Variants in SLC35H1 observed in about 807,000 individuals in gnomAD.
The protein encoded by SLC35H1 is ovarian cancer-overexpressed gene 1 protein.
At chr20:46,354,969 C>T in the SLC35H1 span, 27 of 1,613,898 alleles carry the variant, frequency 1.7e-5, no homozygotes, top group South Asian at 4.4e-5. Flanking sequence ...TGGAGGCCTG[C>T]AGGGCGGGGG....
chr20:46,359,030 T>TA, the SLC35H1 span: 1 of 474,892 alleles, frequency 2.1e-6, no homozygotes, highest in Admixed American at 3.3e-5. Context: ...GCTTTTCTGA[T>TA]AAAGACCAGC....
chr20:46,358,186 C>T, the SLC35H1 span, among the ~76,000 whole-genome samples: 1 of 152,216 alleles, frequency 6.6e-6, no homozygotes, highest in Non-Finnish European at 1.5e-5. Context: ...ACCCCCCGCT[C>T]TCCTTGGTTT....
the SLC35H1 span, among the ~76,000 whole-genome samples, chr20:46,360,303 T>C: frequency 2.5e-3 from 382 of 152,192 alleles, 1 homozygote; most frequent in African/African-American, 8.7e-3. Context: ...GCACCAAAAG[T>C]GTCCATTCTG....
the SLC35H1 span, chr20:46,358,655 C>G: frequency 6.4e-7 from 1 of 1,553,286 alleles, no homozygotes; most frequent in Non-Finnish European, 8.7e-7. Flanking sequence ...CTCCATGATT[C>G]GGAACCATCA....
chr20:46,346,950 T>C, the SLC35H1 span: 1 of 150,824 alleles, frequency 6.6e-6, no homozygotes, highest in Non-Finnish European at 1.5e-5. Context: ...GCAGCAGAGA[T>C]GGGGATCTTG....
At chr20:46,359,544 T>C in the SLC35H1 span, among the ~76,000 whole-genome samples, 1 of 152,066 alleles carries the variant, frequency 6.6e-6, no homozygotes, top group East Asian at 1.9e-4. Flanking sequence ...AAACCAACAC[T>C]CTAACGGCTG....
chr20:46,350,077 T>G, the SLC35H1 span: 7 of 214,844 alleles, frequency 3.3e-5, no homozygotes, highest in Non-Finnish European at 6.4e-5. Context: ...AGAAAGCTGC[T>G]GTGCCTTGGA....
chr20:46,358,834 G>C, the SLC35H1 span: 3 of 1,007,528 alleles, frequency 3.0e-6, no homozygotes, highest in Non-Finnish European at 4.5e-6. Flanking sequence ...GGGTGCCTCT[G>C]AAGGCTGCGT....
chr20:46,353,963 TG>T, the SLC35H1 span, among the ~76,000 whole-genome samples: 1 of 151,952 alleles, frequency 6.6e-6, no homozygotes, highest in Non-Finnish European at 1.5e-5. Context: ...CTTAAATGGA[TG>T]TGGGACAGAA....
At chr20:46,350,562 G>T in the SLC35H1 span, 3 of 1,553,096 alleles carry the variant, frequency 1.9e-6, no homozygotes, top group Non-Finnish European at 1.7e-6. Flanking sequence ...AGGCCCAGTC[G>T]TGGTTTTCTT....
chr20:46,350,589 C>T, the SLC35H1 span: 4 of 1,538,222 alleles, frequency 2.6e-6, no homozygotes, highest in Non-Finnish European at 3.5e-6. Context: ...CTCTGATTTG[C>T]ATGTGTGCTG....
chr20:46,348,376 C>A, the SLC35H1 span: 2 of 152,322 alleles, frequency 1.3e-5, no homozygotes, highest in South Asian at 4.1e-4. Context: ...CCTGAGCCAG[C>A]GGGGCTCTGG....
At chr20:46,355,337 C>T in the SLC35H1 span, 5 of 1,378,842 alleles carry the variant, frequency 3.6e-6, no homozygotes, top group Admixed American at 2.3e-5. The surrounding 1 kb of genome is among the most constrained non-coding windows in gnomAD (Gnocchi z 4.8). Flanking sequence ...ATCTTGGCTG[C>T]CCCTGGGGCA....
chr20:46,360,647 C>T, the SLC35H1 span, among the ~76,000 whole-genome samples: 1 of 152,064 alleles, frequency 6.6e-6, no homozygotes, highest in African/African-American at 2.4e-5. Context: ...CAGGTTCAAG[C>T]GATTCTCCTG....
the SLC35H1 span, chr20:46,347,121 GTAT>G: frequency 1.3e-5 from 2 of 152,194 alleles, no homozygotes; most frequent in Admixed American, 1.3e-4. Flanking sequence ...TCAGGTGTAT[GTAT>G]TATTATTCCT....
chr20:46,357,263 C>T, the SLC35H1 span, among the ~76,000 whole-genome samples: 69 of 152,358 alleles, frequency 4.5e-4, no homozygotes, highest in African/African-American at 1.5e-3. Context: ...CCCTGGGCTC[C>T]GTAGTGCCCT....
the SLC35H1 span, chr20:46,348,622 G>C: frequency 6.6e-6 from 1 of 152,252 alleles, no homozygotes; most frequent in African/African-American, 2.4e-5. Context: ...TCTGTGCTGG[G>C]AATCTGAATT....
the SLC35H1 span, chr20:46,356,571 C>T: frequency 3.1e-6 from 5 of 1,613,956 alleles, no homozygotes; most frequent in Non-Finnish European, 1.7e-6. Flanking sequence ...GGCCAGTACT[C>T]ACAGCGAGAC....
At chr20:46,351,283 C>T in the SLC35H1 span, among the ~76,000 whole-genome samples, 1 of 152,258 alleles carries the variant, frequency 6.6e-6, no homozygotes, top group African/African-American at 2.4e-5. Flanking sequence ...GAAGACACAA[C>T]TGGTCCCGGG....
Sources: allele counts gnomAD v4.1 joint callset (sites outside exome capture counted in the v4.1 genomes callset), GRCh38; gene constraint gnomAD v4.1.1; non-coding constraint Gnocchi (gnomAD v3.1); transcripts MANE v1.5; gene names NCBI Gene and HGNC (gene_info 2026-07-23, HGNC 2026-07-21).